The following PTPRT variants were observed in gnomAD, a reference collection of about 807,000 sequenced individuals.
PTPRT encodes the protein receptor-type tyrosine-protein phosphatase T.
Under a neutral mutation model 176.8 loss-of-function variants are expected in PTPRT, and 56 were observed. The ratio of observed to expected loss-of-function variants is 0.32; its 90% confidence interval spans 0.26 to 0.40. PTPRT has a LOEUF of 0.40. Ranked by LOEUF, PTPRT falls within the 10% of genes least tolerant of loss-of-function variation. The probability of loss-of-function intolerance (pLI) is 1.00; values close to 1 mark genes in which losing one functional copy is unlikely to be tolerated. For synonymous variants in PTPRT, 783 were observed against 739.0 expected (o/e 1.06, Z -0.96); for missense variants, 1,540 against 1,908.2 (o/e 0.81, Z 3.60).
At chr20:42,409,496 AAAAAAAAAAAAAAAAAAAAAAAG>A (rs2058993169) in intron 9 of PTPRT, among the ~76,000 whole-genome samples, 1 of 28,746 alleles carries the variant, frequency 3.5e-5, no homozygotes, top group African/African-American at 9.9e-5. Context: ...AAAAAAAAAA[AAAAAAAAAAAAAAAAAAAAAAAG>A]TATTATTTAT....
At chr20:42,107,065 T>G in intron 23 of PTPRT, 144 bp from the exon 24 acceptor site, 2 of 1,052,492 alleles carry the variant, frequency 1.9e-6, no homozygotes, top group Non-Finnish European at 2.7e-6. Flanking sequence ...TTAATATGTA[T>G]AGTTTGTAAT....
intron 4 of PTPRT, among the ~76,000 whole-genome samples, chr20:42,777,582 T>C (rs1308861420): frequency 6.6e-6 from 1 of 152,242 alleles, no homozygotes; most frequent in African/African-American, 2.4e-5. Context: ...AGTGCCTTTC[T>C]TTCCACTGGC....
chr20:42,601,423 C>G (rs2073779838), intron 7 of PTPRT, among the ~76,000 whole-genome samples: 1 of 152,200 alleles, frequency 6.6e-6, no homozygotes, highest in Middle Eastern at 3.2e-3. Flanking sequence ...TCACGATTAT[C>G]TGGGTGCTCA....
chr20:42,885,774 C>G lies in PTPRT; in HGVS notation c.214+33G>C, dbSNP rs775414208. ...GATTCACGGTAAAAACTAGCCATCC[C>G]CATTACAGCCCCAAACATGATGGAT... On this transcript the variant is annotated intron_variant, in intron 2 of 30. Coordinates refer to ENST00000373187, the MANE Select transcript of PTPRT (RefSeq NM_007050.6). The G allele has an allele frequency of 8.2e-6, 13 of 1,586,454 alleles. No homozygotes were observed. In the Admixed American group the frequency reaches 2.2e-4, roughly 27 times the overall value.
rs560360187 is a variant in PTPRT, at chr20:42,113,397, C to T, written c.3099+1802G>A. 4.6e-5 allele frequency among the ~76,000 whole-genome samples: 7 copies of T among 152,306 alleles called. No homozygotes were observed. The East Asian group carries it at 7.7e-4, about 17-fold the overall frequency. Reference sequence around the variant, plus strand: ...GTACCCCTGGGTCCTCTTCCTTGGGCCTGTGCTTCCAGGCCTGAGCTGCAG... The same window carrying T: ...GTACCCCTGGGTCCTCTTCCTTGGGTCTGTGCTTCCAGGCCTGAGCTGCAG... On this transcript the variant is annotated intron_variant, in intron 22 of 30. Coordinates refer to ENST00000373187, the MANE Select transcript of PTPRT (RefSeq NM_007050.6).
intron 14 of PTPRT, among the ~76,000 whole-genome samples, chr20:42,247,454 G>A (rs951017305): frequency 7.2e-5 from 11 of 152,002 alleles, no homozygotes; most frequent in African/African-American, 2.4e-4. Context: ...TAAGGTAGGA[G>A]CTGGAATTAG....
chr20:42,093,210 T>C (rs1300526485), intron 27 of PTPRT, among the ~76,000 whole-genome samples: 2 of 152,156 alleles, frequency 1.3e-5, no homozygotes, highest in Non-Finnish European at 2.9e-5. Flanking sequence ...TGGTGGTCCG[T>C]AGAGACCACA....
chr20:43,075,397 T>C (rs1441292854), intron 1 of PTPRT, among the ~76,000 whole-genome samples: 2 of 152,274 alleles, frequency 1.3e-5, no homozygotes, highest in South Asian at 2.1e-4. Context: ...GAATGAGGCA[T>C]GCGCTGGCAC....
chr20:42,270,266 G>A, intron 13 of PTPRT: 1 of 767,132 alleles, frequency 1.3e-6, no homozygotes, highest in Non-Finnish European at 2.2e-6. Flanking sequence ...GTTGATGGGT[G>A]AATGGGTGGG....
chr20:42,691,105 G>A (rs1012392551), intron 6 of PTPRT, among the ~76,000 whole-genome samples: 3 of 152,300 alleles, frequency 2.0e-5, no homozygotes, highest in South Asian at 2.1e-4. Context: ...CATGTATCAC[G>A]TTCGATAAAA....
intron 7 of PTPRT, among the ~76,000 whole-genome samples, chr20:42,620,730 T>C (rs1203755071): frequency 6.6e-6 from 1 of 152,210 alleles, no homozygotes; most frequent in African/African-American, 2.4e-5. Flanking sequence ...CCCCTTTCTT[T>C]GACTTCGAAA....
At chr20:42,722,618 G>A (rs1284306163) in intron 6 of PTPRT, among the ~76,000 whole-genome samples, 1 of 152,146 alleles carries the variant, frequency 6.6e-6, no homozygotes, top group East Asian at 1.9e-4. Flanking sequence ...TCTGCTCTCT[G>A]TCCAAAAGTA....
At chr20:42,990,981 G>T (rs2146106826) in intron 1 of PTPRT, among the ~76,000 whole-genome samples, 1 of 152,246 alleles carries the variant, frequency 6.6e-6, no homozygotes, top group Admixed American at 6.5e-5. Context: ...TAGGAATAAA[G>T]GGTATTATAT....
chr20:42,265,604 C>T (rs925014183), intron 13 of PTPRT, among the ~76,000 whole-genome samples: 23 of 152,124 alleles, frequency 1.5e-4, no homozygotes, highest in Non-Finnish European at 2.8e-4. Context: ...CGCCTCTCTC[C>T]ATGAAGCATT....
intron 12 of PTPRT, among the ~76,000 whole-genome samples, chr20:42,297,066 C>G (rs890548812): frequency 5.3e-5 from 8 of 151,868 alleles, no homozygotes; most frequent in African/African-American, 1.9e-4. Context: ...AAGCTATAAA[C>G]AGTAAATGAA....
chr20:43,075,801 T>A (rs1415885545), intron 1 of PTPRT, among the ~76,000 whole-genome samples: 1 of 152,176 alleles, frequency 6.6e-6, no homozygotes. Flanking sequence ...GTGAAGAAAC[T>A]AAACTGCTAA....
rs182960768 is a variant in PTPRT at position 42,892,983 on chromosome 20, G to A, written c.89-7051C>T. Among the ~76,000 whole-genome samples the A allele has an allele frequency of 3.8e-3, 579 of 152,162 alleles. 6 individuals are homozygous for A. Among genetic ancestry groups the A allele is most frequent in the Middle Eastern group, 0.014 (4 of 294 alleles). On this transcript the variant is annotated intron_variant, in intron 1 of 30. Coordinates refer to ENST00000373187, the MANE Select transcript of PTPRT (RefSeq NM_007050.6). Reference sequence around the variant, plus strand: ...TCATTGGGCTTCTCCTGGGGGCCACGGTGAACCCAGGGGAGGCCTTGCAGG... The same window carrying A: ...TCATTGGGCTTCTCCTGGGGGCCACAGTGAACCCAGGGGAGGCCTTGCAGG...
At chr20:42,085,988 C>T (rs1983862788) in intron 27 of PTPRT, 135 bp from the exon 28 acceptor site, 2 of 1,141,954 alleles carry the variant, frequency 1.8e-6, no homozygotes, top group Admixed American at 2.9e-5. Context: ...ACTCTTGTTG[C>T]CCAGCCTGGA....
intron 1 of PTPRT, among the ~76,000 whole-genome samples, chr20:43,115,960 G>A (rs1413371497): frequency 1.3e-5 from 2 of 152,208 alleles, no homozygotes; most frequent in Non-Finnish European, 2.9e-5. Flanking sequence ...GCAAGCCACT[G>A]TGGAATCTCC....
Sources: gnomAD v4.1 joint callset for allele counts (sites outside exome capture counted in the v4.1 genomes callset) on GRCh38, gnomAD v4.1.1 for gene constraint, MANE v1.5 for transcripts, NCBI Gene and HGNC (gene_info 2026-07-23, HGNC 2026-07-21) for gene names.